The following PLCG2 variants were observed in gnomAD, a reference collection of about 807,000 sequenced individuals.
The protein encoded by PLCG2 is 1-phosphatidylinositol 4,5-bisphosphate phosphodiesterase gamma-2.
Under a neutral mutation model 175.6 loss-of-function variants are expected in PLCG2, and 69 were observed. The ratio of observed to expected loss-of-function variants is 0.39; its 90% CI spans 0.32 to 0.48. PLCG2 has a LOEUF of 0.48. Ranked by LOEUF, PLCG2 falls within the 20% of genes least tolerant of loss-of-function variation. PLCG2 has a pLI of 0.91. For missense variants in PLCG2, 1,798 were observed against 1,650.9 expected, an observed-to-expected ratio of 1.09 and a Z score of -1.54; for synonymous variants, 827 against 624.0, an observed-to-expected ratio of 1.33 and a Z score of -4.85.
At chr16:81,894,186 C>G (rs139156476) in intron 12 of PLCG2, among the ~76,000 whole-genome samples, 10 of 151,128 alleles carry the variant, frequency 6.6e-5, no homozygotes, top group African/African-American at 2.4e-4. Flanking sequence ...CCCAGCACTT[C>G]AGGAGGCTGA....
Position 81,958,579 on chromosome 16 carries a change from C to A in PLCG2, c.*581C>A. 1 of 230,508 alleles carries A rather than the reference C, an allele frequency of 4.3e-6. No homozygotes were observed. The highest frequency in any genetic ancestry group is 6.2e-5 in the East Asian group (1 of 16,132). The allele number at this position is 230,508 out of a possible 1,614,324, so 14.3% of individuals were successfully genotyped here. ...CAAGAAAATGGCTGAGTGATGGGAT[C>A]TGTTCATTAAGACAATTTCTAATTA... On this transcript the variant is annotated 3_prime_UTR_variant, in exon 33 of 33. Transcript: ENST00000564138.
intron 2 of PLCG2, among the ~76,000 whole-genome samples, chr16:81,848,903 G>C (rs1321616457): frequency 6.6e-6 from 1 of 152,206 alleles, no homozygotes; most frequent in Non-Finnish European, 1.5e-5. Flanking sequence ...CAGGCATTGG[G>C]AGGTTTTCTG....
At position 81,812,250 on chromosome 16, in the gene PLCG2, C is replaced by T. The variant is rs185238263; in HGVS notation, c.193+26068C>T. Among the ~76,000 whole-genome samples the T allele has an allele frequency of 3.8e-3, 576 of 152,024 alleles. 2 individuals carry two copies. Among genetic ancestry groups the T allele is most frequent in the Middle Eastern group, 0.01 (3 of 294 alleles). ...ATTTTTAGTAGAGACGAAGTTTCAC[C>T]GTGTTAGCCAGGATGGTCTTGATCT... On this transcript the variant is annotated intron_variant, in intron 2 of 32. Transcript: ENST00000564138.
intron 1 of PLCG2, among the ~76,000 whole-genome samples, chr16:81,743,269 C>G (rs775755914): frequency 2.0e-5 from 3 of 152,334 alleles, no homozygotes; most frequent in Middle Eastern, 3.4e-3. Flanking sequence ...GAGGTTCACA[C>G]GAGCATGGGA....
chr16:81,854,862 A>T (rs934239708), intron 3 of PLCG2, among the ~76,000 whole-genome samples: 5 of 152,166 alleles, frequency 3.3e-5, no homozygotes, highest in South Asian at 2.1e-4. Context: ...TCTCTGGCTC[A>T]TGCTGAGAGC....
intron 2 of PLCG2, among the ~76,000 whole-genome samples, chr16:81,826,955 G>A (rs192113689): frequency 1.3e-5 from 2 of 152,176 alleles, no homozygotes; most frequent in African/African-American, 2.4e-5. Flanking sequence ...CTGTGGATCC[G>A]ATGAGATGAC....
At chr16:81,868,118 G>A (rs972958334) in intron 5 of PLCG2, among the ~76,000 whole-genome samples, 5 of 152,214 alleles carry the variant, frequency 3.3e-5, no homozygotes, top group African/African-American at 1.2e-4. Context: ...CTGCCATCCA[G>A]CTCTAAGCCC....
At chr16:81,946,891 TTTGCTTAGTGAAGCAG>T (rs1911172675) in intron 31 of PLCG2, among the ~76,000 whole-genome samples, 1 of 17,230 alleles carries the variant, frequency 5.8e-5, no homozygotes, top group African/African-American at 1.3e-4. Context: ...ATGAAGACCC[TTTGCTTAGTGAAGCAG>T]ACCCTTTGCT....
chr16:81,953,564 A>G (rs1045040644), intron 31 of PLCG2, among the ~76,000 whole-genome samples: 37 of 152,334 alleles, frequency 2.4e-4, no homozygotes, highest in African/African-American at 8.2e-4. Context: ...GCCAGGTAAA[A>G]CTTATTACCA....
At chr16:81,793,367 G>T (rs1009417993) in intron 2 of PLCG2, among the ~76,000 whole-genome samples, 1 of 152,174 alleles carries the variant, frequency 6.6e-6, no homozygotes, top group African/African-American at 2.4e-5. Flanking sequence ...TTTCTGAGTT[G>T]AGCCTTAGGT....
At chr16:81,917,464 C>T (rs61198709) in intron 19 of PLCG2, among the ~76,000 whole-genome samples, 5,191 of 152,068 alleles carry the variant, frequency 0.034, 279 homozygotes, top group African/African-American at 0.12. Context: ...TTTTGAGGAA[C>T]CTCTGTACTG....
At position 81,919,519 on chromosome 16, in the gene PLCG2, G is replaced by A. The variant is rs767717794; in HGVS notation, c.2090G>A (p.Arg697Gln). 16 of 1,613,962 alleles carry A rather than the reference G, an allele frequency of 9.9e-6. No individual in the cohort carries two copies. The East Asian group carries it at 1.6e-4, about 16-fold the overall frequency. ...AAGGTAAAGCATTGTCGCATCAACCGGGACGGCCGGCACTTTGTGCTGGGG... is the reference window on the plus strand; with the variant it reads ...AAGGTAAAGCATTGTCGCATCAACCAGGACGGCCGGCACTTTGTGCTGGGG... ...RGKVKHCRIN[R>Q]DGRHFVLGTS... The change falls in exon 20 of 33, where the codon CGG becomes CAG. Residue 697 changes from arginine (R) to glutamine (Q), a missense_variant. Arg to Gln is a conservative substitution (Grantham distance 43). Transcript: ENST00000564138.
chr16:81,753,096 C>T (rs1909844960), intron 1 of PLCG2, among the ~76,000 whole-genome samples: 1 of 152,248 alleles, frequency 6.6e-6, no homozygotes, highest in African/African-American at 2.4e-5. Flanking sequence ...CCAGCTTCTG[C>T]TGAGGATGGC....
chr16:81,907,890 C>T lies in PLCG2; in HGVS notation c.1557+116C>T, dbSNP rs902653852. 8.9e-5 allele frequency: 61 copies of T among 683,676 alleles called. 2 individuals are homozygous for T. Among genetic ancestry groups the T allele is most frequent in the South Asian group, 6.6e-4 (39 of 59,086 alleles). 42.4% of individuals were successfully genotyped at this position (683,676 alleles called of 1,614,324 possible). ...CTGGCCGGCTGGCAAGGGGATGCTC[C>T]GCTGAAGAAGCTGTTGATACTCTGG... On this transcript the variant is annotated intron_variant, in intron 16 of 32. Transcript: ENST00000564138.
Position 81,856,819 on chromosome 16 carries a change from C to T in PLCG2, c.338-1444C>T, listed in dbSNP as rs897598825. ...TGAGGATCTTGAGATGGGAAATATC[C>T]TGGACTATCTGGGTGTCTAGTGGAA... On this transcript the variant is annotated intron_variant, in intron 3 of 32. Coordinates refer to ENST00000564138, the MANE Select transcript of PLCG2 (RefSeq NM_002661.5). Among the ~76,000 whole-genome samples the T allele has an allele frequency of 2.9e-4, 44 of 152,212 alleles. 1 individual carries two copies. Among genetic ancestry groups the T allele is most frequent in the African/African-American group, 1.0e-3 (43 of 41,526 alleles).
chr16:81,751,970 C>T (rs1173037402), intron 1 of PLCG2, among the ~76,000 whole-genome samples: 1 of 151,678 alleles, frequency 6.6e-6, no homozygotes, highest in Admixed American at 6.6e-5. Flanking sequence ...TGCAGTGAGC[C>T]GAGATTGTGC....
rs202214266 is a variant in PLCG2, at chr16:81,936,387, C to G, written c.3052+9C>G. On this transcript the variant is annotated intron_variant, in intron 27 of 32. Transcript: ENST00000564138. ...CAATTTCCAGACGGCAGGTAAAGGC[C>G]GACTGAAGGTAGTCCCGTCCCTGCA... 1 of 1,611,416 alleles carries G rather than the reference C, an allele frequency of 6.2e-7. No homozygotes were observed.
chr16:81,935,071 C>T (rs1007687315), intron 26 of PLCG2, among the ~76,000 whole-genome samples: 2 of 152,168 alleles, frequency 1.3e-5, no homozygotes, highest in African/African-American at 4.8e-5. Flanking sequence ...GTTCTTACTG[C>T]CATTACCACA....
intron 30 of PLCG2, among the ~76,000 whole-genome samples, chr16:81,945,156 G>A (rs1911102693): frequency 6.6e-6 from 1 of 152,200 alleles, no homozygotes; most frequent in African/African-American, 2.4e-5. Context: ...CGGAAAGTGA[G>A]AGATTCAGTG....
Sources: gnomAD v4.1 joint callset for allele counts (sites outside exome capture counted in the v4.1 genomes callset) on GRCh38, gnomAD v4.1.1 for gene constraint, MANE v1.5 for transcripts, NCBI Gene and HGNC (gene_info 2026-07-23, HGNC 2026-07-21) for gene names.